The following GNPDA2 variants were observed in gnomAD, a reference collection of about 807,000 sequenced individuals.
GNPDA2 encodes glcN6P deaminase 2.
GNPDA2 carries 24 observed loss-of-function variants against 27.0 expected under a neutral mutation model. The observed-to-expected ratio is 0.89, with a 90% CI of 0.64 to 1.25. The LOEUF (loss-of-function observed/expected upper bound fraction) is 1.25, where lower values mean the gene tolerates loss of function less well. Among genes scored for constraint, GNPDA2 ranks in the 50% most tolerant of loss-of-function variants. GNPDA2 has a pLI of 0.00. For missense variants in GNPDA2, 286 were observed against 335.1 expected (o/e 0.85, Z 1.14); for synonymous variants, 94 against 108.4 (o/e 0.87, Z 0.83).
chr4:44,722,594 T>C (rs2109724551), intron 1 of GNPDA2, among the ~76,000 whole-genome samples: 1 of 152,280 alleles, frequency 6.6e-6, no homozygotes, highest in East Asian at 1.9e-4. Context: ...TTTTTTGTCA[T>C]TATTCCCTAA....
At chr4:44,704,193 AG>A in intron 6 of GNPDA2, 1 of 984,742 alleles carries the variant, frequency 1.0e-6, no homozygotes, top group African/African-American at 1.7e-5. Flanking sequence ...AAAGGAGGGA[AG>A]GGGGAAGCAT....
Position 44,722,357 on chromosome 4 carries a change from T to C in GNPDA2, c.-35-115A>G, listed in dbSNP as rs1717727441. The stretch of plus-strand genomic sequence containing the variant: ...CACTGAAACAGAATATACTGATGAT[T>C]TTTAAAAGTACATTACTGAAGAAGG... On this transcript the variant is annotated intron_variant, in intron 1 of 6. Transcript: ENST00000295448. The C allele has an allele frequency of 4.2e-6, 3 of 713,268 alleles. No individual in the cohort carries two copies. In the Admixed American group the frequency reaches 9.7e-5, roughly 23 times the overall value. 44.2% of individuals were successfully genotyped at this position (713,268 alleles called of 1,614,324 possible). A position where few individuals can be genotyped will look rare whatever the true frequency, so the allele number is the denominator to read the frequency against.
chr4:44,723,301 A>G (rs776925853), intron 1 of GNPDA2, among the ~76,000 whole-genome samples: 3 of 152,144 alleles, frequency 2.0e-5, no homozygotes, highest in Non-Finnish European at 4.4e-5. Flanking sequence ...ATTTTGTTAC[A>G]TGGATATATT....
intron 5 of GNPDA2, among the ~76,000 whole-genome samples, chr4:44,708,355 A>G (rs189746241): frequency 5.1e-4 from 78 of 152,232 alleles, no homozygotes; most frequent in African/African-American, 1.7e-3. Context: ...AAAAGCAAAG[A>G]CTCTAAAACA....
At position 44,702,667 on chromosome 4, in the gene GNPDA2, A is replaced by G; in HGVS notation, c.*414T>C. ...CAGAAAATATAAAGATTGCATTCCA[A>G]AAGTGAAGGTCTGCAATGATAGTTT... On this transcript the variant is annotated 3_prime_UTR_variant, in exon 7 of 7. Coordinates refer to ENST00000295448, the MANE Select transcript of GNPDA2 (RefSeq NM_138335.3). 1 of 1,015,456 alleles carries G rather than the reference A, an allele frequency of 9.8e-7. No homozygotes were observed. Among genetic ancestry groups the G allele is most frequent in the East Asian group, 1.1e-4 (1 of 9,154 alleles). 62.9% of individuals were successfully genotyped at this position (1,015,456 alleles called of 1,614,324 possible).
chr4:44,708,865 TACCTC>T (rs1330330366), intron 5 of GNPDA2, among the ~76,000 whole-genome samples: 2 of 152,158 alleles, frequency 1.3e-5, no homozygotes, highest in African/African-American at 4.8e-5. Context: ...CTCCTTGAAT[TACCTC>T]AACTCCTCAA....
intron 5 of GNPDA2, 30 bp downstream of exon 5, chr4:44,710,923 G>C: frequency 6.7e-7 from 1 of 1,491,158 alleles, no homozygotes; most frequent in Non-Finnish European, 9.0e-7. Context: ...AACATGAAAA[G>C]AAAGACAGCA....
chr4:44,707,766 AC>A lies in GNPDA2; in HGVS notation c.754del (p.Val252Ter). ...TCAGTGCTCACCTTTAAAGTATTTC[AC>A]AGTTTTAACTCTTAATTCTAAAGTA... Reference protein sequence around the residue: ...DATLELRVKTVKYFKGLMHVH... With the variant: ...DATLELRVKTXKYFKGLMHVH... On this transcript the variant is annotated frameshift_variant, in exon 6 of 7. Transcript: ENST00000295448. LOFTEE classifies it high-confidence loss of function. The A allele has an allele frequency of 1.2e-6, 2 of 1,612,696 alleles. No homozygotes were observed. The highest frequency in any genetic ancestry group is 1.7e-6 in the Non-Finnish European group (2 of 1,179,256).
At position 44,702,781 on chromosome 4, in the gene GNPDA2, C is replaced by T; in HGVS notation, c.*300G>A. On this transcript the variant is annotated 3_prime_UTR_variant, in exon 7 of 7. Transcript: ENST00000295448. The stretch of plus-strand genomic sequence containing the variant: ...TCACAAATGGTGCCTGATGTGGACA[C>T]TCTACCTTTAAAATGACTTTTTAAA... The T allele has an allele frequency of 2.5e-6, 3 of 1,202,744 alleles. No homozygotes were observed. Among genetic ancestry groups the T allele is most frequent in the Non-Finnish European group, 3.1e-6 (3 of 967,920 alleles). The allele number at this position is 1,202,744 out of a possible 1,614,324, so 74.5% of individuals were successfully genotyped here.
At chr4:44,707,682 C>T (rs1295273049) in intron 6 of GNPDA2, 70 bp downstream of exon 6, 3 of 1,350,064 alleles carry the variant, frequency 2.2e-6, no homozygotes, top group Non-Finnish European at 3.1e-6. Flanking sequence ...TTTAACCCCA[C>T]AGTCACAGTA....
intron 4 of GNPDA2, among the ~76,000 whole-genome samples, chr4:44,712,070 A>G (rs946333500): frequency 1.3e-5 from 2 of 152,080 alleles, no homozygotes; most frequent in South Asian, 4.1e-4. Context: ...TTACCTCTAA[A>G]ATATAGACAG....
At chr4:44,708,459 A>T (rs1214232002) in intron 5 of GNPDA2, among the ~76,000 whole-genome samples, 1 of 152,132 alleles carries the variant, frequency 6.6e-6, no homozygotes, top group Non-Finnish European at 1.5e-5. Flanking sequence ...ACTGGATTTA[A>T]AAAAGGATTA....
intron 4 of GNPDA2, among the ~76,000 whole-genome samples, chr4:44,715,675 G>T (rs62305386): frequency 0.033 from 5,004 of 152,050 alleles, 125 homozygotes; most frequent in Middle Eastern, 0.051. Context: ...TACAAAGCAG[G>T]AGTATGCAAA....
At chr4:44,703,914 T>C in intron 6 of GNPDA2, 2 of 985,048 alleles carry the variant, frequency 2.0e-6, no homozygotes, top group Non-Finnish European at 2.4e-6. Context: ...GATTTTATAT[T>C]TTGGAGGGTA....
At chr4:44,704,377 T>TA in intron 6 of GNPDA2, 1 of 951,812 alleles carries the variant, frequency 1.1e-6, no homozygotes, top group Non-Finnish European at 1.3e-6. Context: ...ACTTAAATAG[T>TA]ATTCATCTGT....
chr4:44,704,990 A>G (rs1716499370), intron 6 of GNPDA2: 1 of 983,196 alleles, frequency 1.0e-6, no homozygotes, highest in African/African-American at 1.7e-5. Context: ...ATTAACTTGT[A>G]TCTTTCAAAA....
intron 4 of GNPDA2, among the ~76,000 whole-genome samples, chr4:44,714,048 C>T (rs971738526): frequency 3.9e-5 from 6 of 152,050 alleles, no homozygotes; most frequent in Admixed American, 3.9e-4. Flanking sequence ...ATCAGCTCAC[C>T]ACAACCTCGG....
At position 44,703,124 on chromosome 4, in the gene GNPDA2, T is replaced by C. The variant is rs763451292; in HGVS notation, c.788A>G (p.Asn263Ser). The part of the protein sequence containing the change: ...KYFKGLMHVH[N>S]KLVDPLFSMK... ...ACTGAATAGTGGATCCACAAGTTTA[T>C]TGTGCACATGCATTAGACCTTAAAG... Residue 263 changes from asparagine to serine, a missense_variant, in exon 7 of 7, where the codon AAT becomes AGT. Physicochemically the swap from Asn to Ser is conservative, Grantham distance 46. Coordinates refer to ENST00000295448, the MANE Select transcript of GNPDA2 (RefSeq NM_138335.3). The C allele has an allele frequency of 1.9e-6, 3 of 1,611,812 alleles. No individual in the cohort carries two copies. The highest frequency in any genetic ancestry group is 2.5e-6 in the Non-Finnish European group (3 of 1,178,974).
intron 5 of GNPDA2, among the ~76,000 whole-genome samples, chr4:44,709,971 GA>G (rs1236414531): frequency 3.3e-5 from 5 of 151,882 alleles, no homozygotes; most frequent in African/African-American, 9.7e-5. Flanking sequence ...CTGACCCAAA[GA>G]AAAAAACTCA....
Sources: gnomAD v4.1 joint callset for allele counts (sites outside exome capture counted in the v4.1 genomes callset) on GRCh38, gnomAD v4.1.1 for gene constraint, MANE v1.5 for transcripts, NCBI Gene and HGNC (gene_info 2026-07-23, HGNC 2026-07-21) for gene names.